SPAG9: variants seen among roughly 807,000 people sequenced by gnomAD.
The protein encoded by SPAG9 is sperm associated antigen 9.
SPAG9 carries 35 observed loss-of-function variants against 166.5 expected under a neutral mutation model. That is an observed-to-expected ratio of 0.21 (90% CI 0.16 to 0.28). The LOEUF is 0.28. Among genes scored for constraint, SPAG9 ranks in the 10% least tolerant of loss-of-function variants. SPAG9 has a pLI of 1.00. For synonymous variants in SPAG9, 534 were observed against 565.5 expected, an observed-to-expected ratio of 0.94 and a Z score of 0.79; for missense variants, 1,235 against 1,603.3, an observed-to-expected ratio of 0.77 and a Z score of 3.92.
At chr17:51,090,741 T>C (rs760097456) in intron 1 of SPAG9, among the ~76,000 whole-genome samples, 1 of 152,176 alleles carries the variant, frequency 6.6e-6, no homozygotes, top group Non-Finnish European at 1.5e-5. Flanking sequence ...TTAAGGCTGA[T>C]AAGAGATGGC....
intron 2 of SPAG9, among the ~76,000 whole-genome samples, chr17:51,077,049 T>TAGCTAG (rs2048018901): frequency 1.4e-5 from 1 of 71,648 alleles, no homozygotes; most frequent in Admixed American, 1.5e-4. Context: ...TATCTAGCTA[T>TAGCTAG]CTAGCTAGCT....
chr17:51,091,933 C>T (rs2048477756), intron 1 of SPAG9, among the ~76,000 whole-genome samples: 2 of 148,558 alleles, frequency 1.3e-5, no homozygotes, highest in Non-Finnish European at 3.0e-5. Context: ...TTTCGCCCCA[C>T]TGTTCTGGGG....
intron 8 of SPAG9, 45 bp from the exon 9 acceptor site, chr17:51,014,398 C>CT: frequency 1.3e-6 from 2 of 1,565,144 alleles, no homozygotes; most frequent in Non-Finnish European, 1.7e-6. Context: ...ATGACAAAGA[C>CT]TTTTTTGACG....
intron 3 of SPAG9, among the ~76,000 whole-genome samples, chr17:51,055,883 G>A (rs2144517210): frequency 6.6e-6 from 1 of 152,230 alleles, no homozygotes; most frequent in South Asian, 2.1e-4. Context: ...TGAGGAGACT[G>A]TGCTGAAACT....
At chr17:51,068,529 GTC>G (rs2047735320) in intron 2 of SPAG9, among the ~76,000 whole-genome samples, 1 of 152,088 alleles carries the variant, frequency 6.6e-6, no homozygotes, top group Non-Finnish European at 1.5e-5. Context: ...CCTACCTAAA[GTC>G]TCTACGTAGG....
intron 5 of SPAG9, among the ~76,000 whole-genome samples, chr17:51,041,218 C>T (rs1222811143): frequency 6.6e-6 from 1 of 152,160 alleles, no homozygotes; most frequent in Non-Finnish European, 1.5e-5. Flanking sequence ...AGTTACCCTA[C>T]TCTAAACTCA....
chr17:50,995,557 G>GA (rs567586027), intron 16 of SPAG9, 24 bp from the exon 17 acceptor site: 76 of 1,420,544 alleles, frequency 5.4e-5, no homozygotes, highest in Non-Finnish European at 7.5e-5. Context: ...AAGGAGGAGT[G>GA]AAAAAGGCAC....
At chr17:51,019,771 G>T (rs1250704864) in intron 8 of SPAG9, among the ~76,000 whole-genome samples, 3 of 152,008 alleles carry the variant, frequency 2.0e-5, no homozygotes, top group Admixed American at 2.0e-4. Flanking sequence ...AGAATTGCTT[G>T]AACCTGGGAG....
intron 4 of SPAG9, chr17:51,046,859 G>C (rs1000095236): frequency 1.3e-6 from 2 of 1,529,544 alleles, no homozygotes; most frequent in Admixed American, 2.0e-5. Context: ...CCATAGAGCT[G>C]CTGCTCCTAG....
intron 16 of SPAG9, 71 bp downstream of exon 16, chr17:50,996,494 C>CT: frequency 6.4e-7 from 1 of 1,568,732 alleles, no homozygotes; most frequent in Non-Finnish European, 8.7e-7. Context: ...ACAGTGAATC[C>CT]TTCATGCCCA....
intron 2 of SPAG9, among the ~76,000 whole-genome samples, chr17:51,077,462 A>G (rs1229786117): frequency 6.6e-6 from 1 of 152,096 alleles, no homozygotes; most frequent in East Asian, 1.9e-4. Context: ...ATTAGGATTT[A>G]AACATTACCT....
intron 8 of SPAG9, among the ~76,000 whole-genome samples, chr17:51,019,898 A>G (rs2045870731): frequency 6.6e-6 from 1 of 152,228 alleles, no homozygotes; most frequent in Non-Finnish European, 1.5e-5. Context: ...CCACTCTGGT[A>G]TTTTGCTATA....
At chr17:50,977,651 C>G (rs1454633119) in intron 26 of SPAG9, among the ~76,000 whole-genome samples, 1 of 152,098 alleles carries the variant, frequency 6.6e-6, no homozygotes, top group Non-Finnish European at 1.5e-5. Flanking sequence ...TCCTGTAGAT[C>G]CTACAAGGTG....
At chr17:51,022,621 G>GCCA (rs1214247965) in intron 6 of SPAG9, among the ~76,000 whole-genome samples, 4 of 148,996 alleles carry the variant, frequency 2.7e-5, no homozygotes, top group Non-Finnish European at 6.0e-5. Context: ...AAAGTTTACA[G>GCCA]CCACCACCAC....
intron 3 of SPAG9, among the ~76,000 whole-genome samples, chr17:51,056,050 A>G (rs2047354390): frequency 6.6e-6 from 1 of 152,154 alleles, no homozygotes; most frequent in Admixed American, 6.6e-5. Context: ...TAACTTACCA[A>G]TCCATAATTT....
chr17:51,101,345 CAAAAA>C (rs60896400), intron 1 of SPAG9, among the ~76,000 whole-genome samples: 1 of 92,002 alleles, frequency 1.1e-5, no homozygotes, highest in Non-Finnish European at 2.1e-5. Context: ...GATTCTGTCT[CAAAAA>C]AAAAAAAAAA....
At chr17:51,071,250 A>G (rs1009420525) in intron 2 of SPAG9, among the ~76,000 whole-genome samples, 1 of 152,216 alleles carries the variant, frequency 6.6e-6, no homozygotes, top group Non-Finnish European at 1.5e-5. Context: ...ATAGAAATAC[A>G]CAACATACAA....
chr17:51,017,620 G>C (rs2045757841), intron 8 of SPAG9, among the ~76,000 whole-genome samples: 1 of 152,022 alleles, frequency 6.6e-6, no homozygotes. Flanking sequence ...AAGCTACTTT[G>C]AACAAGTTCT....
chr17:51,088,024 C>T (rs2048347658), intron 1 of SPAG9, among the ~76,000 whole-genome samples: 1 of 152,208 alleles, frequency 6.6e-6, no homozygotes. Flanking sequence ...GGATTATAGG[C>T]ATGAGCGACC....
Sources: gnomAD v4.1 joint callset for allele counts (sites outside exome capture counted in the v4.1 genomes callset) on GRCh38, gnomAD v4.1.1 for gene constraint, MANE v1.5 for transcripts, NCBI Gene and HGNC (gene_info 2026-07-23, HGNC 2026-07-21) for gene names.